Variants in NLGN1 observed in about 807,000 individuals in gnomAD.
NLGN1 encodes the protein neuroligin-1.
In NLGN1, 12 loss-of-function variants were observed where a neutral mutation model predicts 65.5. That is an observed-to-expected ratio of 0.18 (90% CI 0.12 to 0.30). The LOEUF (loss-of-function observed/expected upper bound fraction) is 0.30. Among genes scored for constraint, NLGN1 ranks in the 10% least tolerant of loss-of-function variants. The pLI is 1.00. For missense variants in NLGN1, 750 were observed against 1,007.1 expected, an observed-to-expected ratio of 0.74 and a Z score of 3.46; for synonymous variants, 350 against 359.5, an observed-to-expected ratio of 0.97 and a Z score of 0.30.
intron 4 of NLGN1, among the ~76,000 whole-genome samples, chr3:174,236,490 T>C (rs1416663359): frequency 1.3e-5 from 2 of 152,048 alleles, no homozygotes; most frequent in African/African-American, 4.8e-5. Context: ...ACTATTTTCA[T>C]TGTAGATTGT....
chr3:173,923,492 G>C (rs1742442889), intron 4 of NLGN1, among the ~76,000 whole-genome samples: 1 of 151,984 alleles, frequency 6.6e-6, no homozygotes, highest in African/African-American at 2.4e-5. Context: ...ATAAAGAATG[G>C]TGTACATCTC....
chr3:173,803,366 C>T (rs1311402413), intron 3 of NLGN1, among the ~76,000 whole-genome samples: 1 of 152,068 alleles, frequency 6.6e-6, no homozygotes, highest in Admixed American at 6.6e-5. Flanking sequence ...ACCCTGTAAT[C>T]CCAGCACTCT....
intron 3 of NLGN1, among the ~76,000 whole-genome samples, chr3:173,796,711 G>A (rs922043199): frequency 6.6e-6 from 1 of 151,942 alleles, no homozygotes; most frequent in African/African-American, 2.4e-5. Context: ...TTTATATTTT[G>A]GTGCTTTGAG....
chr3:173,578,881 C>A (rs908653868), intron 2 of NLGN1, among the ~76,000 whole-genome samples: 28 of 152,050 alleles, frequency 1.8e-4, no homozygotes, highest in African/African-American at 6.8e-4. Context: ...ATGCATCATG[C>A]TATTATTAGC....
intron 3 of NLGN1, among the ~76,000 whole-genome samples, chr3:173,648,662 C>T (rs1303359897): frequency 6.6e-6 from 1 of 152,050 alleles, no homozygotes; most frequent in Non-Finnish European, 1.5e-5. Context: ...GCAACCTCTG[C>T]CTCCTGGATT....
intron 3 of NLGN1, among the ~76,000 whole-genome samples, chr3:173,614,682 C>G (rs1386470226): frequency 2.6e-5 from 4 of 152,056 alleles, no homozygotes; most frequent in African/African-American, 9.7e-5. Flanking sequence ...TTCTCTTGAC[C>G]TATCCCCAAC....
intron 4 of NLGN1, among the ~76,000 whole-genome samples, chr3:174,191,728 A>C (rs1487054940): frequency 6.6e-6 from 1 of 152,142 alleles, no homozygotes; most frequent in African/African-American, 2.4e-5. Flanking sequence ...AAGAATACCC[A>C]GATGCTGTAT....
chr3:173,528,945 A>G (rs1346820352), intron 2 of NLGN1, among the ~76,000 whole-genome samples: 3 of 151,834 alleles, frequency 2.0e-5, no homozygotes, highest in African/African-American at 7.3e-5. Flanking sequence ...CCGAATTTTC[A>G]TTTTGGTTAG....
chr3:174,186,695 A>C lies in NLGN1; in HGVS notation c.647-88620A>C, dbSNP rs557976038. Among the ~76,000 whole-genome samples the C allele has an allele frequency of 2.6e-5, 4 of 152,138 alleles. No individual in the cohort carries two copies. The East Asian group carries it at 7.7e-4, about 29-fold the overall frequency. On this transcript the variant is annotated intron_variant, in intron 4 of 6. Coordinates refer to ENST00000457714, the Ensembl canonical transcript of NLGN1. ...TGGGTAGCTCAGAAATCAATAAAAG[A>C]GCAGGTTTATGATTGCTGATGCTTA...
intron 2 of NLGN1, among the ~76,000 whole-genome samples, chr3:173,600,727 T>C (rs1043965739): frequency 1.3e-5 from 2 of 151,794 alleles, no homozygotes; most frequent in African/African-American, 2.4e-5. Context: ...AGTAATTTTT[T>C]TTAGATTACT....
chr3:174,091,491 A>G (rs2152564706), intron 4 of NLGN1, among the ~76,000 whole-genome samples: 1 of 152,362 alleles, frequency 6.6e-6, no homozygotes, highest in South Asian at 2.1e-4. Flanking sequence ...GTATTTAGTC[A>G]GGGACCATGC....
exon 7 of NLGN1, chr3:174,282,940 G>A (rs956422163): frequency 6.6e-6 from 1 of 151,814 alleles, no homozygotes; most frequent in Admixed American, 6.6e-5. Context: ...AAGAATGAAA[G>A]ATTATTATAC....
intron 4 of NLGN1, among the ~76,000 whole-genome samples, chr3:174,018,498 AATGTCCATG>A (rs1444008963): frequency 6.6e-6 from 1 of 152,160 alleles, no homozygotes; most frequent in Non-Finnish European, 1.5e-5. Context: ...GGAACTAATA[AATGTCCATG>A]AAATCGTCAC....
At chr3:174,110,703 G>A (rs781572510) in intron 4 of NLGN1, among the ~76,000 whole-genome samples, 1 of 151,876 alleles carries the variant, frequency 6.6e-6, no homozygotes, top group Non-Finnish European at 1.5e-5. Flanking sequence ...ACATAATTCT[G>A]ACCTAGGAAT....
At chr3:173,479,580 T>G (rs1289715841) in intron 2 of NLGN1, among the ~76,000 whole-genome samples, 1 of 152,164 alleles carries the variant, frequency 6.6e-6, no homozygotes, top group Non-Finnish European at 1.5e-5. Context: ...GAAAAGACTC[T>G]TCCACTCCCA....
intron 2 of NLGN1, among the ~76,000 whole-genome samples, chr3:173,581,538 T>C (rs934671723): frequency 6.6e-6 from 1 of 152,012 alleles, no homozygotes; most frequent in Non-Finnish European, 1.5e-5. Flanking sequence ...AAGAGCTAGT[T>C]GAGGATTACA....
intron 4 of NLGN1, among the ~76,000 whole-genome samples, chr3:173,873,052 G>C (rs1409436492): frequency 6.6e-6 from 1 of 151,830 alleles, no homozygotes; most frequent in Non-Finnish European, 1.5e-5. Flanking sequence ...AAGGAACTCA[G>C]TAACTACTTG....
chr3:174,266,266 T>A (rs746330158), intron 4 of NLGN1, among the ~76,000 whole-genome samples: 29 of 152,194 alleles, frequency 1.9e-4, no homozygotes, highest in Middle Eastern at 3.4e-3. Flanking sequence ...TGTCCATGTG[T>A]ATTCAATATT....
At chr3:173,563,566 T>C (rs1012740491) in intron 2 of NLGN1, among the ~76,000 whole-genome samples, 8 of 152,224 alleles carry the variant, frequency 5.3e-5, no homozygotes, top group African/African-American at 1.9e-4. Flanking sequence ...CCTGATTCTC[T>C]TTGATACGCT....
Sources: gnomAD v4.1 joint callset for allele counts (sites outside exome capture counted in the v4.1 genomes callset) on GRCh38, gnomAD v4.1.1 for gene constraint, MANE v1.5 for transcripts, NCBI Gene and HGNC (gene_info 2026-07-23, HGNC 2026-07-21) for gene names.